Variants in PRKN observed in about 807,000 individuals in gnomAD.
PRKN encodes parkin RBR E3 ubiquitin protein ligase.
In PRKN, 56 loss-of-function variants were observed where a neutral mutation model predicts 59.5. The observed-to-expected ratio is 0.94, with a 90% CI of 0.76 to 1.18. The LOEUF is 1.18. Among genes scored for constraint, PRKN ranks in the 50% most tolerant of loss-of-function variants. The pLI is 0.00. For synonymous variants in PRKN, 250 were observed against 222.1 expected (o/e 1.13, Z -1.12); for missense variants, 657 against 596.4 (o/e 1.10, Z -1.06).
At chr6:161,806,697 T>C (rs1484843374) in intron 6 of PRKN, among the ~76,000 whole-genome samples, 1 of 152,188 alleles carries the variant, frequency 6.6e-6, no homozygotes, top group Non-Finnish European at 1.5e-5. Flanking sequence ...GATTCATCAC[T>C]AAGCTGTTGC....
intron 1 of PRKN, among the ~76,000 whole-genome samples, chr6:162,520,271 C>A (rs1778034568): frequency 2.0e-5 from 3 of 152,184 alleles, no homozygotes; most frequent in Admixed American, 1.3e-4. Flanking sequence ...ACATAAATTT[C>A]ATTTTATTAG....
At chr6:162,259,938 T>G (rs527398536) in intron 3 of PRKN, among the ~76,000 whole-genome samples, 39 of 152,272 alleles carry the variant, frequency 2.6e-4, no homozygotes, top group African/African-American at 8.4e-4. Flanking sequence ...TCCCTCCAGT[T>G]CTAATGAGCA....
rs1777443346 is a variant in PRKN, at chr6:161,488,958, T to G, written c.1083+59896A>C. Among the ~76,000 whole-genome samples the G allele has an allele frequency of 6.6e-6, 1 of 152,158 alleles. No individual in the cohort carries two copies. Among genetic ancestry groups the G allele is most frequent in the African/African-American group, 2.4e-5 (1 of 41,432 alleles). On this transcript the variant is annotated intron_variant, in intron 9 of 11. Transcript: ENST00000366898. This position sits in a 1 kb window ranked among gnomAD's most constrained non-coding sequence, Gnocchi z 4.5. Reference sequence around the variant, plus strand: ...AGATGAAGAGGTCACGATTTACCATTGGCTGATAACCTACTGTGATGACAT... The same window carrying G: ...AGATGAAGAGGTCACGATTTACCATGGGCTGATAACCTACTGTGATGACAT...
chr6:162,021,144 A>ATGTG (rs1554261901), intron 5 of PRKN, among the ~76,000 whole-genome samples: 2 of 19,580 alleles, frequency 1.0e-4, no homozygotes, highest in Admixed American at 6.8e-4. Flanking sequence ...ATATATATAT[A>ATGTG]TATATATATA....
chr6:162,543,343 C>T (rs1778996065), intron 1 of PRKN, among the ~76,000 whole-genome samples: 1 of 152,060 alleles, frequency 6.6e-6, no homozygotes, highest in Admixed American at 6.6e-5. Context: ...AGAGCAGTCA[C>T]ATCGGCAAAA....
intron 4 of PRKN, among the ~76,000 whole-genome samples, chr6:162,143,319 T>A (rs563268196): frequency 6.6e-6 from 1 of 152,352 alleles, no homozygotes; most frequent in South Asian, 2.1e-4. Context: ...CGAGTCTTTA[T>A]CAGCAATTCT....
At chr6:162,074,688 G>A (rs1297257572) in intron 4 of PRKN, among the ~76,000 whole-genome samples, 1 of 151,984 alleles carries the variant, frequency 6.6e-6, no homozygotes, top group Admixed American at 6.6e-5. Flanking sequence ...GAAGTGACTC[G>A]TCCTCCACGA....
At position 161,449,744 on chromosome 6, in the gene PRKN, CT is replaced by C. The variant is rs553379386; in HGVS notation, c.1084-62868del. 6.7e-3 allele frequency among the ~76,000 whole-genome samples: 1,017 copies of C among 152,280 alleles called. 10 individuals carry two copies. Among genetic ancestry groups the C allele is most frequent in the Admixed American group, 0.016 (246 of 15,304 alleles). Reference sequence around the variant, plus strand: ...GGACTGAGTCAGCGACAGTGAGGCACTGACTAGACTTCCGTAACCAGCCATA... The same window carrying C: ...GGACTGAGTCAGCGACAGTGAGGCACGACTAGACTTCCGTAACCAGCCATA... On this transcript the variant is annotated intron_variant, in intron 9 of 11. Coordinates refer to ENST00000366898, the MANE Select transcript of PRKN (RefSeq NM_004562.3).
intron 4 of PRKN, among the ~76,000 whole-genome samples, chr6:162,092,518 T>A (rs9346900): frequency 0.21 from 32,323 of 152,094 alleles, 3,817 homozygotes; most frequent in East Asian, 0.55. Flanking sequence ...TGCTAATCTA[T>A]TAATTGCATG....
chr6:161,560,366 C>T lies in PRKN; in HGVS notation c.933+8989G>A, dbSNP rs74997523. Among the ~76,000 whole-genome samples the T allele has an allele frequency of 4.5e-3, 688 of 152,252 alleles. 5 individuals carry two copies. The highest frequency in any genetic ancestry group is 0.016 in the African/African-American group (653 of 41,564). ...AGATGGTTGTCCCTTGGCTCCTTAA[C>T]GACGCCCCCAAATGCTTGGGTTCCT... On this transcript the variant is annotated intron_variant, in intron 8 of 11. Coordinates refer to ENST00000366898, the MANE Select transcript of PRKN (RefSeq NM_004562.3). This position sits in a 1 kb window ranked among gnomAD's most constrained non-coding sequence, Gnocchi z 4.9.
chr6:162,046,829 A>C (rs1271072796), intron 5 of PRKN, among the ~76,000 whole-genome samples: 1 of 152,170 alleles, frequency 6.6e-6, no homozygotes, highest in Admixed American at 6.5e-5. Context: ...ATACAAACGA[A>C]ATTTTGATTC....
At position 161,518,505 on chromosome 6, in the gene PRKN, C is replaced by T. The variant is rs955685299; in HGVS notation, c.1083+30349G>A. Among the ~76,000 whole-genome samples the T allele has an allele frequency of 6.6e-6, 1 of 152,208 alleles. No individual in the cohort carries two copies. Among genetic ancestry groups the T allele is most frequent in the South Asian group, 2.1e-4 (1 of 4,826 alleles). ...GCACTGGGCGCTGCCCCTGGCTGTG[C>T]AATCCCAGGGCTCTGGGTGAGAGCT... is the stretch of plus-strand genomic sequence containing the variant. On this transcript the variant is annotated intron_variant, in intron 9 of 11. Coordinates refer to ENST00000366898, the MANE Select transcript of PRKN (RefSeq NM_004562.3). This position sits in a 1 kb window ranked among gnomAD's most constrained non-coding sequence, Gnocchi z 5.0.
intron 2 of PRKN, among the ~76,000 whole-genome samples, chr6:162,411,846 T>A (rs999706219): frequency 6.6e-6 from 1 of 152,094 alleles, no homozygotes; most frequent in Non-Finnish European, 1.5e-5. Context: ...CCCACCACAT[T>A]TAAATTACTT....
intron 2 of PRKN, among the ~76,000 whole-genome samples, chr6:162,373,059 C>T (rs372141471): frequency 6.6e-6 from 1 of 152,184 alleles, no homozygotes; most frequent in East Asian, 1.9e-4. Flanking sequence ...ATTAATAGAT[C>T]TCTTTGAGAG....
rs140753557 is a variant in PRKN, at chr6:162,099,297, A to T, written c.535-45123T>A. 6.9e-3 allele frequency among the ~76,000 whole-genome samples: 1,056 copies of T among 152,318 alleles called. 3 individuals carry two copies. The highest frequency in any genetic ancestry group is 0.017 in the Middle Eastern group (5 of 294). On this transcript the variant is annotated intron_variant, in intron 4 of 11. Coordinates refer to ENST00000366898, the MANE Select transcript of PRKN (RefSeq NM_004562.3). ...TCAGATTATTCTAAGGCATATTTTT[A>T]AAAGTAGGGTTTTTTCCTACATGAC...
intron 9 of PRKN, among the ~76,000 whole-genome samples, chr6:161,449,353 C>G (rs898045326): frequency 3.3e-5 from 5 of 152,072 alleles, no homozygotes; most frequent in Non-Finnish European, 7.4e-5. Context: ...AACATAAACT[C>G]AAAGAAGGTT....
intron 6 of PRKN, among the ~76,000 whole-genome samples, chr6:161,963,748 G>C (rs1780472754): frequency 6.6e-6 from 1 of 152,190 alleles, no homozygotes; most frequent in Admixed American, 6.5e-5. Flanking sequence ...TTTGCTTTCT[G>C]TTTGTTGCAC....
chr6:161,836,084 A>C (rs538348384), intron 6 of PRKN, among the ~76,000 whole-genome samples: 7 of 152,220 alleles, frequency 4.6e-5, no homozygotes, highest in Middle Eastern at 3.4e-3. Flanking sequence ...CTTTCTGAAG[A>C]GCTCTTGGTG....
chr6:162,072,457 A>G (rs549341449), intron 4 of PRKN, among the ~76,000 whole-genome samples: 1 of 152,298 alleles, frequency 6.6e-6, no homozygotes, highest in African/African-American at 2.4e-5. Flanking sequence ...AGAACAGAAG[A>G]AAATTCCACA....
Sources: gnomAD v4.1 joint callset for allele counts (sites outside exome capture counted in the v4.1 genomes callset) on GRCh38, gnomAD v4.1.1 for gene constraint, Gnocchi (gnomAD v3.1) non-coding constraint, MANE v1.5 for transcripts, NCBI Gene and HGNC (gene_info 2026-07-23, HGNC 2026-07-21) for gene names.